The following F5 variants were observed in gnomAD, a reference collection of about 807,000 sequenced individuals.
F5 encodes the protein coagulation factor V.
F5 carries 138 observed loss-of-function variants against 216.4 expected under a neutral mutation model. The ratio of observed to expected loss-of-function variants is 0.64; its 90% CI spans 0.56 to 0.73. F5 has a LOEUF of 0.73. F5 is among the 30% of genes least tolerant of loss of function. The pLI is 0.00. For synonymous variants in F5, 916 were observed against 930.7 expected (o/e 0.98, Z 0.29); for missense variants, 2,403 against 2,674.0 (o/e 0.90, Z 2.24).
chr1:169,577,983 G>C (rs1006935219), intron 2 of F5, among the ~76,000 whole-genome samples: 13 of 152,200 alleles, frequency 8.5e-5, no homozygotes, highest in African/African-American at 3.1e-4. Context: ...GCAGGACATA[G>C]GGGAAAGGTA....
intron 21 of F5, among the ~76,000 whole-genome samples, chr1:169,521,783 A>AT (rs9332652): frequency 0.25 from 37,051 of 150,748 alleles, 4,741 homozygotes; most frequent in Admixed American, 0.34. Flanking sequence ...ACCCTGCCTA[A>AT]TTTTTTTTAA....
intron 10 of F5, among the ~76,000 whole-genome samples, chr1:169,547,546 T>C (rs1485851062): frequency 6.6e-6 from 1 of 152,092 alleles, no homozygotes; most frequent in Non-Finnish European, 1.5e-5. Flanking sequence ...ACAGACACTT[T>C]TCAAAAGAAG....
chr1:169,569,484 T>C (rs1660679289), intron 3 of F5, among the ~76,000 whole-genome samples: 1 of 152,056 alleles, frequency 6.6e-6, no homozygotes, highest in South Asian at 2.1e-4. Flanking sequence ...CCAAAACGAC[T>C]TTGAAAATTT....
Position 169,540,484 on chromosome 1 carries a change from C to G in F5, c.4606G>C (p.Asp1536His). 1 of 1,613,956 alleles carries G rather than the reference C, an allele frequency of 6.2e-7. No individual in the cohort carries two copies. The highest frequency in any genetic ancestry group is 1.3e-5 in the African/African-American group (1 of 75,024). Residue 1536 changes from aspartate (D) to histidine (H), a missense_variant, in exon 13 of 25, where the codon GAT (aspartate) becomes CAT (histidine). By Grantham distance (81) the Asp-to-His change is moderately conservative. Transcript: ENST00000367797. ...ACATAATCAATTTCAGCATAGTCAT[C>G]TTCACTGCTCTGGACCTCTTCCTTT... ...IPKEEVQSSE[D>H]DYAEIDYVPY...
intron 6 of F5, 68 bp from the exon 7 acceptor site, chr1:169,555,415 C>A (rs994559168): frequency 6.8e-7 from 1 of 1,474,742 alleles, no homozygotes; most frequent in Non-Finnish European, 9.4e-7. Flanking sequence ...AAATGCATAT[C>A]CTTTAAATCA....
Position 169,541,983 on chromosome 1 carries a change from TTC to T in F5, c.3105_3106del (p.Lys1036AlafsTer18), listed in dbSNP as rs1466621002. 1.2e-6 allele frequency: 2 copies of T among 1,614,042 alleles called. No individual in the cohort carries two copies. The highest frequency in any genetic ancestry group is 1.1e-5 in the South Asian group (1 of 91,082). ...AGATAAAGGAGCATGGTGTGTGTGC[TTC>T]TCTTTTTTCTTTTTTCGTGTCTTAA... On this transcript the variant is annotated frameshift_variant, in exon 13 of 25. Transcript: ENST00000367797. LOFTEE classifies it high-confidence loss of function.
In F5 at chr1:169,562,462, CT is replaced by C. The variant is rs567043694; in HGVS notation, c.374-1697del. ...TTAATTGTAGTGTTCTTTCCATTTA[CT>C]TTTAATGTAATTGATGATATGGTTG... On this transcript the variant is annotated intron_variant, in intron 3 of 24. Coordinates refer to ENST00000367797, the MANE Select transcript of F5 (RefSeq NM_000130.5). Among the ~76,000 whole-genome samples, 222 of 152,096 alleles carry C rather than the reference CT, an allele frequency of 1.5e-3. 1 individual carries two copies. Among genetic ancestry groups the C allele is most frequent in the African/African-American group, 5.1e-3 (210 of 41,518 alleles).
chr1:169,585,623 A>G (rs770131407), intron 1 of F5, among the ~76,000 whole-genome samples: 1 of 152,052 alleles, frequency 6.6e-6, no homozygotes, highest in Non-Finnish European at 1.5e-5. Flanking sequence ...AACAGAGAGA[A>G]AAAAAAATGA....
chr1:169,518,302 GAAA>G, intron 23 of F5, 107 bp downstream of exon 23: 9 of 1,333,044 alleles, frequency 6.8e-6, no homozygotes, highest in Non-Finnish European at 9.6e-6. Context: ...TTAATCTGCA[GAAA>G]CAGATTAAAA....
Position 169,541,963 on chromosome 1 carries a change from A to G in F5, c.3127T>C (p.Leu1043=). The G allele has an allele frequency of 6.2e-7, 1 of 1,614,052 alleles. No individual in the cohort carries two copies. Among genetic ancestry groups the G allele is most frequent in the South Asian group, 1.1e-5 (1 of 91,082 alleles). Reference sequence around the variant, plus strand: ...AGAGGGTGAAAGGTCCTCGGAGATAAAGGAGCATGGTGTGTGTGCTTCTCT... The same window carrying G: ...AGAGGGTGAAAGGTCCTCGGAGATAGAGGAGCATGGTGTGTGTGCTTCTCT... The part of the protein sequence containing the change: ...KKEKHTHHAP[L]SPRTFHPLRS... The change falls in exon 13 of 25, where the codon TTA becomes CTA. Residue 1043 remains leucine (L), a synonymous_variant. Coordinates refer to ENST00000367797, the MANE Select transcript of F5 (RefSeq NM_000130.5).
intron 1 of F5, among the ~76,000 whole-genome samples, chr1:169,584,386 A>T (rs1164367152): frequency 6.6e-6 from 1 of 152,276 alleles, no homozygotes; most frequent in African/African-American, 2.4e-5. Flanking sequence ...ACAAAATCAT[A>T]TAAAGCTAGA....
rs1659542072 is a variant in F5 at position 169,529,605 on chromosome 1, T to C, written c.5419+3A>G. On this transcript the variant is annotated splice_donor_region_variant and intron_variant, in intron 16 of 24. Transcript: ENST00000367797. ...AGATTAGATCAAAGTCTGAGGAAAA[T>C]ACCGTGAAACTCATGGGATTTTTTC... The C allele has an allele frequency of 6.2e-7, 1 of 1,612,866 alleles. No homozygotes were observed. Among genetic ancestry groups the C allele is most frequent in the South Asian group, 1.1e-5 (1 of 91,076 alleles).
intron 2 of F5, among the ~76,000 whole-genome samples, chr1:169,579,603 A>C (rs1372333377): frequency 6.6e-6 from 1 of 151,926 alleles, no homozygotes; most frequent in East Asian, 1.9e-4. Flanking sequence ...CTTTTCTTAC[A>C]TTTTCTTTCT....
Position 169,542,956 on chromosome 1 carries a change from G to C in F5, c.2134C>G (p.Arg712Gly). The C allele has an allele frequency of 6.2e-7, 1 of 1,614,000 alleles. No homozygotes were observed. Among genetic ancestry groups the C allele is most frequent in the South Asian group, 1.1e-5 (1 of 91,074 alleles). ...TVMATRKMHD[R>G]LEPEDEESDA... ...CTCTCTTCATCTTCAGGTTCTAAAC[G>C]ATCATGCATTTTCCGTGTAGCCATG... Residue 712 changes from arginine (R) to glycine (G), a missense_variant, in exon 13 of 25, where the codon CGT (arginine) becomes GGT (glycine). This residue lies in a region of F5 where 1,425 missense variants were observed against 1,554.8 expected (regional missense o/e 0.92). Coordinates refer to ENST00000367797, the MANE Select transcript of F5 (RefSeq NM_000130.5).
At chr1:169,568,542 T>TA (rs948216684) in intron 3 of F5, among the ~76,000 whole-genome samples, 4 of 151,998 alleles carry the variant, frequency 2.6e-5, no homozygotes, top group Admixed American at 6.6e-5. Context: ...GTAATCAAAA[T>TA]AAAAAAAATT....
intron 11 of F5, 103 bp downstream of exon 11, chr1:169,546,339 C>A: frequency 7.3e-7 from 1 of 1,375,058 alleles, no homozygotes; most frequent in South Asian, 1.2e-5. Flanking sequence ...TTGGAGGTGC[C>A]CCTTAGCGAG....
At chr1:169,559,575 T>C (rs1325504418) in intron 4 of F5, among the ~76,000 whole-genome samples, 1 of 152,168 alleles carries the variant, frequency 6.6e-6, no homozygotes, top group African/African-American at 2.4e-5. Flanking sequence ...CAAGACTCTG[T>C]ACAAGTATCC....
chr1:169,549,566 A>G (rs147943895), intron 10 of F5, among the ~76,000 whole-genome samples: 2 of 144,830 alleles, frequency 1.4e-5, no homozygotes, highest in African/African-American at 5.0e-5. Context: ...TTTGAAACTA[A>G]GACAAAATAT....
chr1:169,540,212 A>T, intron 13 of F5, 82 bp downstream of exon 13: 2 of 1,493,794 alleles, frequency 1.3e-6, no homozygotes, highest in Non-Finnish European at 1.9e-6. Context: ...ATTTGCCCAC[A>T]ATTATCCCCC....
Sources: gnomAD v4.1 joint callset for allele counts (sites outside exome capture counted in the v4.1 genomes callset) on GRCh38, gnomAD v4.1.1 for gene constraint, gnomAD v4.1.1 regional missense constraint, MANE v1.5 for transcripts, NCBI Gene and HGNC (gene_info 2026-07-23, HGNC 2026-07-21) for gene names.